Variants in USP43 observed in about 807,000 individuals in gnomAD.
USP43 encodes the protein ubiquitin specific peptidase 43, also known as ubiquitin carboxyl-terminal hydrolase 43.
A neutral mutation model predicts 90.7 loss-of-function variants in USP43; 33 were observed. That is an observed-to-expected ratio of 0.36 (90% CI 0.28 to 0.49). The LOEUF (loss-of-function observed/expected upper bound fraction) is 0.49. Ranked by LOEUF, USP43 falls within the 20% of genes least tolerant of loss-of-function variation. The probability of loss-of-function intolerance (pLI) is 0.98; values close to 1 mark genes in which losing one functional copy is unlikely to be tolerated. For missense variants in USP43, 1,274 were observed against 1,476.4 expected (o/e 0.86, Z 2.25); for synonymous variants, 598 against 615.8 (o/e 0.97, Z 0.43).
At chr17:9,723,376 T>C (rs1917065409) in intron 14 of USP43, among the ~76,000 whole-genome samples, 1 of 151,914 alleles carries the variant, frequency 6.6e-6, no homozygotes, top group African/African-American at 2.4e-5. Flanking sequence ...TTTAGAGAAA[T>C]GTCTTTTGGT....
intron 14 of USP43, among the ~76,000 whole-genome samples, chr17:9,719,017 A>C (rs1358769277): frequency 6.6e-6 from 1 of 151,910 alleles, no homozygotes; most frequent in East Asian, 1.9e-4. Context: ...AATCCCAGCT[A>C]CTCGGGAGGC....
intron 1 of USP43, among the ~76,000 whole-genome samples, chr17:9,654,120 T>C (rs1912063875): frequency 6.6e-6 from 1 of 152,148 alleles, no homozygotes; most frequent in South Asian, 2.1e-4. Flanking sequence ...GTTTGAGGGT[T>C]GTTTGGGGGT....
chr17:9,663,509 G>T (rs991858597), intron 2 of USP43, among the ~76,000 whole-genome samples: 1 of 152,108 alleles, frequency 6.6e-6, no homozygotes, highest in African/African-American at 2.4e-5. Flanking sequence ...TGTTGGCCGG[G>T]CTGGTCTTGA....
chr17:9,710,172 G>A, intron 13 of USP43, 58 bp downstream of exon 13: 1 of 1,370,914 alleles, frequency 7.3e-7, no homozygotes, highest in Non-Finnish European at 9.5e-7. Context: ...TAAGAACTGG[G>A]AAGAGGCTCA....
chr17:9,651,965 T>C (rs1911890598), intron 1 of USP43, among the ~76,000 whole-genome samples: 1 of 152,074 alleles, frequency 6.6e-6, no homozygotes. Flanking sequence ...TAGATTTGTA[T>C]TCAGAAAACA....
chr17:9,702,755 G>A (rs968433369), intron 12 of USP43, among the ~76,000 whole-genome samples: 10 of 152,226 alleles, frequency 6.6e-5, no homozygotes, highest in Admixed American at 2.6e-4. Context: ...CGTGCAGATA[G>A]TGTGGAGGGT....
chr17:9,682,795 T>G (rs770453963), intron 6 of USP43, 28 bp from the exon 7 acceptor site: 2 of 1,609,558 alleles, frequency 1.2e-6, no homozygotes, highest in Non-Finnish European at 8.5e-7. Flanking sequence ...TTTAGGAATA[T>G]GAACAAATGT....
intron 14 of USP43, among the ~76,000 whole-genome samples, chr17:9,724,880 C>A (rs988789346): frequency 2.0e-5 from 3 of 152,028 alleles, no homozygotes; most frequent in Admixed American, 1.3e-4. Context: ...ACGATGGAAG[C>A]CCTTGAAGAG....
chr17:9,684,211 G>A (rs1003543691), intron 7 of USP43, among the ~76,000 whole-genome samples: 1 of 151,910 alleles, frequency 6.6e-6, no homozygotes, highest in Admixed American at 6.6e-5. Flanking sequence ...TCCTTGGGTG[G>A]GGGCTAGTTT....
intron 2 of USP43, among the ~76,000 whole-genome samples, chr17:9,657,028 G>A (rs1055576088): frequency 2.0e-4 from 30 of 152,264 alleles, no homozygotes; most frequent in African/African-American, 6.5e-4. Context: ...ACCTTTCAGA[G>A]GAGGAAAGCA....
Position 9,700,152 on chromosome 17 carries a change from C to T in USP43, c.1458-20C>T. ...AGGAGGCCCCGTGTTTTCTGATGGG[C>T]TCCCTTGTTCTCTTCTCAGGGTTTT... On this transcript the variant is annotated intron_variant, in intron 9 of 14. Transcript: ENST00000285199. 1.3e-6 allele frequency: 2 copies of T among 1,585,904 alleles called. No individual in the cohort carries two copies. The highest frequency in any genetic ancestry group is 1.7e-6 in the Non-Finnish European group (2 of 1,165,982).
At chr17:9,696,515 T>C (rs1453705655) in intron 9 of USP43, among the ~76,000 whole-genome samples, 1 of 152,118 alleles carries the variant, frequency 6.6e-6, no homozygotes, top group Non-Finnish European at 1.5e-5. Context: ...CTGCCCAGAT[T>C]TTTCTCTGGA....
chr17:9,651,660 A>C (rs1039732865), intron 1 of USP43, among the ~76,000 whole-genome samples: 2 of 152,168 alleles, frequency 1.3e-5, no homozygotes, highest in Non-Finnish European at 2.9e-5. Context: ...GGTTATATTA[A>C]AATTTTAGCC....
At position 9,705,702 on chromosome 17, in the gene USP43, C is replaced by T. The variant is rs142129723; in HGVS notation, c.2011+4002C>T. Among the ~76,000 whole-genome samples the T allele has an allele frequency of 8.5e-3, 1,266 of 149,384 alleles. 27 individuals carry two copies. Among genetic ancestry groups the T allele is most frequent in the African/African-American group, 0.03 (1,213 of 40,594 alleles). On this transcript the variant is annotated intron_variant, in intron 12 of 14. Coordinates refer to ENST00000285199, the MANE Select transcript of USP43 (RefSeq NM_153210.5). ...CCCAGAGGTGGAGATTGCAGTGAGC[C>T]GAGATCACACCACTGCACTCCAGCC...
chr17:9,682,830 A>T lies in USP43; in HGVS notation c.1113A>T (p.Pro371=), dbSNP rs1287496964. The T allele has an allele frequency of 6.2e-7, 1 of 1,613,938 alleles. No individual in the cohort carries two copies. Among genetic ancestry groups the T allele is most frequent in the Admixed American group, 1.7e-5 (1 of 60,000 alleles). Residue 371 remains proline (P), a synonymous_variant, in exon 7 of 15, where the codon CCA becomes CCT. Coordinates refer to ENST00000285199, the MANE Select transcript of USP43 (RefSeq NM_153210.5). ...SPSQGTLSAH[P]LGLSASPRLA... is the part of the protein sequence containing the mutation. The stretch of plus-strand genomic sequence containing the variant: ...TCATTCTCTCCCTTCTAGCTCATCC[A>T]CTGGGTCTGTCGGCCTCCCCACGCC...
chr17:9,696,215 C>A (rs2151985132), intron 9 of USP43, among the ~76,000 whole-genome samples: 1 of 152,136 alleles, frequency 6.6e-6, no homozygotes, highest in East Asian at 1.9e-4. Context: ...CTCACTGCAA[C>A]CCCCGCCTCC....
chr17:9,646,262 T>C (rs750038088), intron 1 of USP43, 126 bp downstream of exon 1: 9 of 1,242,874 alleles, frequency 7.2e-6, no homozygotes, highest in Non-Finnish European at 8.2e-6. Flanking sequence ...CAGCCCCGGA[T>C]TACCGGCTTT....
At chr17:9,670,345 C>CAACT (rs1913326961) in intron 3 of USP43, among the ~76,000 whole-genome samples, 1 of 152,126 alleles carries the variant, frequency 6.6e-6, no homozygotes, top group South Asian at 2.1e-4. Context: ...GGCCCAGAGG[C>CAACT]AACTGCTTTT....
intron 2 of USP43, among the ~76,000 whole-genome samples, chr17:9,665,593 G>A (rs1912989364): frequency 6.6e-6 from 1 of 152,218 alleles, no homozygotes; most frequent in South Asian, 2.1e-4. Flanking sequence ...TGTGGGGATT[G>A]TGGGGATTAC....
Sources: gnomAD v4.1 joint callset for allele counts (sites outside exome capture counted in the v4.1 genomes callset) on GRCh38, gnomAD v4.1.1 for gene constraint, MANE v1.5 for transcripts, NCBI Gene and HGNC (gene_info 2026-07-23, HGNC 2026-07-21) for gene names.